The following SORCS3 variants were observed in gnomAD, a reference collection of about 807,000 sequenced individuals.
The protein encoded by SORCS3 is sortilin related VPS10 domain containing receptor 3.
Under a neutral mutation model 146.3 loss-of-function variants are expected in SORCS3, and 57 were observed. The ratio of observed to expected loss-of-function variants is 0.39; its 90% CI spans 0.31 to 0.49. The LOEUF (loss-of-function observed/expected upper bound fraction) is 0.49, where lower values mean the gene tolerates loss of function less well. Among genes scored for constraint, SORCS3 ranks in the 20% least tolerant of loss-of-function variants. The probability of loss-of-function intolerance (pLI) is 0.92; values close to 1 mark genes in which losing one functional copy is unlikely to be tolerated. For synonymous variants in SORCS3, 653 were observed against 618.5 expected, an observed-to-expected ratio of 1.06 and a Z score of -0.83; for missense variants, 1,341 against 1,575.5, an observed-to-expected ratio of 0.85 and a Z score of 2.52.
At chr10:104,674,141 C>T (rs565228622) in intron 1 of SORCS3, among the ~76,000 whole-genome samples, 1 of 152,284 alleles carries the variant, frequency 6.6e-6, no homozygotes, top group South Asian at 2.1e-4. Context: ...AGTCTCTCCC[C>T]CTGGGAATAA....
intron 2 of SORCS3, among the ~76,000 whole-genome samples, chr10:104,875,732 T>A (rs892274898): frequency 6.6e-6 from 1 of 152,136 alleles, no homozygotes; most frequent in Non-Finnish European, 1.5e-5. Flanking sequence ...AAATAGATGG[T>A]CTCATGGGCT....
At chr10:105,177,685 T>G (rs757169059) in intron 13 of SORCS3, among the ~76,000 whole-genome samples, 13 of 152,102 alleles carry the variant, frequency 8.5e-5, no homozygotes, top group African/African-American at 1.9e-4. Context: ...TCCCTTTCCA[T>G]TGGGTCCACC....
intron 4 of SORCS3, among the ~76,000 whole-genome samples, chr10:105,002,489 C>T (rs2055068237): frequency 6.6e-6 from 1 of 152,068 alleles, no homozygotes; most frequent in African/African-American, 2.4e-5. Context: ...GTATAAGGGC[C>T]ACAGAATGAA....
At chr10:104,748,239 G>A (rs747506113) in intron 1 of SORCS3, among the ~76,000 whole-genome samples, 36 of 152,170 alleles carry the variant, frequency 2.4e-4, no homozygotes, top group Non-Finnish European at 4.3e-4. Context: ...CTTTCTTAGA[G>A]AACTTTACTG....
intron 2 of SORCS3, among the ~76,000 whole-genome samples, chr10:104,897,523 G>A (rs2018810351): frequency 6.6e-6 from 1 of 152,164 alleles, no homozygotes; most frequent in African/African-American, 2.4e-5. Context: ...AGTTATCAAT[G>A]TACTTCTCTT....
chr10:104,717,777 A>G (rs927461813), intron 1 of SORCS3, among the ~76,000 whole-genome samples: 1 of 152,218 alleles, frequency 6.6e-6, no homozygotes, highest in African/African-American at 2.4e-5. Flanking sequence ...TATGTTAATC[A>G]TAAGTCTTAG....
intron 5 of SORCS3, 55 bp downstream of exon 5, chr10:105,043,183 T>A: frequency 1.4e-6 from 2 of 1,474,596 alleles, no homozygotes; most frequent in Non-Finnish European, 1.9e-6. Flanking sequence ...TCAAACAGCG[T>A]AGCACTCTAG....
intron 25 of SORCS3, 40 bp downstream of exon 25, chr10:105,256,964 G>A: frequency 2.1e-6 from 3 of 1,407,532 alleles, no homozygotes; most frequent in Non-Finnish European, 2.0e-6. Context: ...TGGGGTTGGG[G>A]TCATTGCAAA....
intron 1 of SORCS3, among the ~76,000 whole-genome samples, chr10:104,723,610 A>G (rs577559689): frequency 0.014 from 2,056 of 152,076 alleles, 38 homozygotes; most frequent in African/African-American, 0.041. Context: ...TTGTGTGGGA[A>G]TCTAAGTCTC....
chr10:105,222,215 T>A (rs1371219222), intron 19 of SORCS3, among the ~76,000 whole-genome samples: 1 of 151,924 alleles, frequency 6.6e-6, no homozygotes, highest in Non-Finnish European at 1.5e-5. Flanking sequence ...GCTGCCACCA[T>A]GCCCAGCTAA....
intron 2 of SORCS3, among the ~76,000 whole-genome samples, chr10:104,875,838 A>G (rs2018565903): frequency 6.6e-6 from 1 of 152,192 alleles, no homozygotes. Context: ...AAGCTTCACA[A>G]TGGGTATAAT....
chr10:104,976,302 A>G (rs993876834), intron 3 of SORCS3, among the ~76,000 whole-genome samples: 8 of 152,238 alleles, frequency 5.3e-5, no homozygotes, highest in African/African-American at 1.4e-4. Context: ...CAAAAAACAC[A>G]TGAAAAAATG....
intron 7 of SORCS3, among the ~76,000 whole-genome samples, chr10:105,124,260 G>A (rs1358661605): frequency 5.9e-5 from 9 of 152,310 alleles, no homozygotes; most frequent in South Asian, 4.1e-4. Context: ...AACATTATAA[G>A]CTGATTATGA....
intron 13 of SORCS3, among the ~76,000 whole-genome samples, chr10:105,169,900 G>T (rs1284000685): frequency 6.6e-6 from 1 of 152,112 alleles, no homozygotes; most frequent in Non-Finnish European, 1.5e-5. Context: ...CCTACAGACA[G>T]ACTTAGCTGG....
chr10:104,724,974 C>G (rs1045056097), intron 1 of SORCS3, among the ~76,000 whole-genome samples: 1 of 152,220 alleles, frequency 6.6e-6, no homozygotes, highest in African/African-American at 2.4e-5. Flanking sequence ...CTTCTCTCAA[C>G]TCGTCAAAGT....
intron 1 of SORCS3, among the ~76,000 whole-genome samples, chr10:104,730,028 C>T (rs76467766): frequency 0.046 from 7,066 of 152,264 alleles, 241 homozygotes; most frequent in Admixed American, 0.11. Flanking sequence ...TCACCTTGCT[C>T]AGACTTGGTA....
intron 14 of SORCS3, among the ~76,000 whole-genome samples, chr10:105,188,012 G>A (rs1393339875): frequency 6.6e-6 from 1 of 152,104 alleles, no homozygotes; most frequent in Non-Finnish European, 1.5e-5. Flanking sequence ...GCTGGTGGTG[G>A]TGGTGTGTGT....
At chr10:105,008,188 A>G (rs1486300739) in intron 4 of SORCS3, among the ~76,000 whole-genome samples, 1 of 152,130 alleles carries the variant, frequency 6.6e-6, no homozygotes, top group Non-Finnish European at 1.5e-5. Context: ...AGCATTAACC[A>G]CTTCATATTA....
chr10:104,771,214 T>C (rs991055277), intron 1 of SORCS3, among the ~76,000 whole-genome samples: 4 of 152,236 alleles, frequency 2.6e-5, no homozygotes, highest in African/African-American at 7.2e-5. Flanking sequence ...ATCTACTGAA[T>C]CAGAATTTGC....
Sources: allele counts gnomAD v4.1 joint callset (sites outside exome capture counted in the v4.1 genomes callset), GRCh38; gene constraint gnomAD v4.1.1; transcripts MANE v1.5; gene names NCBI Gene and HGNC (gene_info 2026-07-23, HGNC 2026-07-21).